The following CYFIP1 variants were observed in gnomAD, a reference collection of about 807,000 sequenced individuals.
CYFIP1 encodes the protein cytoplasmic FMR1 interacting protein 1.
CYFIP1 carries 58 observed loss-of-function variants against 163.5 expected under a neutral mutation model. The ratio of observed to expected loss-of-function variants is 0.35; its 90% CI spans 0.29 to 0.44. The LOEUF is 0.44. Ranked by LOEUF, CYFIP1 falls within the 20% of genes least tolerant of loss-of-function variation. CYFIP1 has a pLI of 1.00. For synonymous variants in CYFIP1, 663 were observed against 660.7 expected, an observed-to-expected ratio of 1.00 and a Z score of -0.05; for missense variants, 1,338 against 1,653.8, an observed-to-expected ratio of 0.81 and a Z score of 3.31.
In CYFIP1 at chr15:22,917,848, G is replaced by T; in HGVS notation, c.1614C>A (p.Asp538Glu). 1 of 1,613,910 alleles carries T rather than the reference G, an allele frequency of 6.2e-7. No homozygotes were observed. Among genetic ancestry groups the T allele is most frequent in the Non-Finnish European group, 8.5e-7 (1 of 1,179,950 alleles). Residue 538 changes from aspartate to glutamate, a missense_variant, in exon 15 of 31, where the codon GAC becomes GAA. Physicochemically the swap from Asp to Glu is conservative, Grantham distance 45. Coordinates refer to ENST00000617928, the MANE Select transcript of CYFIP1 (RefSeq NM_014608.6). The surrounding 1 kb of genome is among the most constrained non-coding windows in gnomAD (Gnocchi z 4.2). ...FNDPALRGEK[D>E]PKSGFDIKVP... ...CTTTTATGTCGAAGCCGCTCTTGGG[G>T]TCCTTCTCGCCCCGCAAGGCTGGGT...
At chr15:22,934,474 C>T (rs1423715854) in intron 9 of CYFIP1, among the ~76,000 whole-genome samples, 9 of 140,776 alleles carry the variant, frequency 6.4e-5, no homozygotes, top group Non-Finnish European at 1.2e-4. Flanking sequence ...CGTGAACCAC[C>T]GCACCCAGCC....
chr15:22,892,133 G>C (rs559661372), intron 23 of CYFIP1, among the ~76,000 whole-genome samples: 1 of 152,366 alleles, frequency 6.6e-6, no homozygotes, highest in Admixed American at 6.5e-5. Context: ...GGGCCTGCTG[G>C]CTCTTGCCGC....
At chr15:22,915,807 T>C (rs965406768) in intron 16 of CYFIP1, among the ~76,000 whole-genome samples, 18 of 151,984 alleles carry the variant, frequency 1.2e-4, no homozygotes, top group Admixed American at 9.8e-4. Context: ...TAAAAACCAA[T>C]GTCCAGGCTG....
chr15:22,915,543 G>A (rs1018764825), intron 16 of CYFIP1, among the ~76,000 whole-genome samples: 5 of 151,902 alleles, frequency 3.3e-5, no homozygotes, highest in South Asian at 2.1e-4. Context: ...AAGGTCAGGA[G>A]TTTGAGACCA....
At chr15:22,944,683 A>G (rs201081497) in intron 4 of CYFIP1, 24 bp from the exon 5 acceptor site, 21 of 1,599,526 alleles carry the variant, frequency 1.3e-5, no homozygotes, top group Non-Finnish European at 1.8e-5. Context: ...AACAAGGATG[A>G]CATAAGAGGC....
chr15:22,933,763 G>T, intron 10 of CYFIP1, 39 bp downstream of exon 10: 1 of 1,487,310 alleles, frequency 6.7e-7, no homozygotes, highest in Non-Finnish European at 9.3e-7. Context: ...TGAGGACACT[G>T]CCGAAAGCTC....
intron 30 of CYFIP1, among the ~76,000 whole-genome samples, chr15:22,871,618 C>A (rs943581575): frequency 2.0e-5 from 3 of 152,120 alleles, no homozygotes; most frequent in African/African-American, 7.2e-5. Context: ...GACTGTAGAA[C>A]AGGGAGAGTA....
At chr15:22,881,707 T>G in intron 25 of CYFIP1, 139 bp downstream of exon 25, 1 of 774,248 alleles carries the variant, frequency 1.3e-6, no homozygotes, top group South Asian at 1.7e-5. Flanking sequence ...AACACACCTC[T>G]TCCTGGTTGT....
chr15:22,980,433 T>TTCCTCCCGGCGC (rs1010181728), upstream of CYFIP1: 1 of 151,886 alleles, frequency 6.6e-6, no homozygotes, highest in East Asian at 2.0e-4. Flanking sequence ...GCTCGGCCTC[T>TTCCTCCCGGCGC]TCCTCCCGGC....
intron 3 of CYFIP1, among the ~76,000 whole-genome samples, chr15:22,945,851 G>A (rs1283145569): frequency 2.0e-5 from 3 of 151,950 alleles, no homozygotes; most frequent in Non-Finnish European, 4.4e-5. Context: ...CCAAAATGCT[G>A]GGATTACAGG....
chr15:22,896,718 C>T (rs1409205255), intron 22 of CYFIP1, among the ~76,000 whole-genome samples: 1 of 152,176 alleles, frequency 6.6e-6, no homozygotes, highest in African/African-American at 2.4e-5. Flanking sequence ...TCCTTGAGCA[C>T]ATGCATAGTC....
chr15:22,887,525 G>A lies in CYFIP1; in HGVS notation c.2677-4514C>T, dbSNP rs201799983. 2.0e-5 allele frequency among the ~76,000 whole-genome samples: 3 copies of A among 152,186 alleles called. No individual in the cohort carries two copies. In the East Asian group the frequency reaches 5.8e-4, roughly 29 times the overall value. ...GAAATCTAATGACCTCATGTTACAAGTGAGAGAATTCATTCTCAGACCCGC... is the reference window on the plus strand; with the variant it reads ...GAAATCTAATGACCTCATGTTACAAATGAGAGAATTCATTCTCAGACCCGC... On this transcript the variant is annotated intron_variant, in intron 23 of 30. Coordinates refer to ENST00000617928, the MANE Select transcript of CYFIP1 (RefSeq NM_014608.6).
Position 22,917,266 on chromosome 15 carries a change from G to A in CYFIP1, c.1674+522C>T. Reference sequence around the variant, plus strand: ...AGCCTCCGGCAGAGATGAGGGAGAAGACCAGCCCCAGGACGGAGGACAGAC... The same window carrying A: ...AGCCTCCGGCAGAGATGAGGGAGAAAACCAGCCCCAGGACGGAGGACAGAC... On this transcript the variant is annotated intron_variant, in intron 15 of 30. Coordinates refer to ENST00000617928, the MANE Select transcript of CYFIP1 (RefSeq NM_014608.6). This position sits in a 1 kb window ranked among gnomAD's most constrained non-coding sequence, Gnocchi z 4.2. 1 of 1,388,500 alleles carries A rather than the reference G, an allele frequency of 7.2e-7. No homozygotes were observed. Among genetic ancestry groups the A allele is most frequent in the South Asian group, 1.8e-5 (1 of 55,532 alleles). The allele number at this position is 1,388,500 out of a possible 1,614,324, so 86.0% of individuals were successfully genotyped here.
At chr15:22,939,606 C>T in intron 6 of CYFIP1, 99 bp from the exon 7 acceptor site, 1 of 914,154 alleles carries the variant, frequency 1.1e-6, no homozygotes, top group Admixed American at 3.1e-5. Flanking sequence ...GGATCCCTTT[C>T]CCCTACAGTC....
rs747863901 is a variant in CYFIP1 at position 22,870,135 on chromosome 15, T to C, written c.3655A>G (p.Ile1219Val). Residue 1219 changes from isoleucine (I) to valine (V), a missense_variant, in exon 31 of 31, where the codon ATC becomes GTC. Coordinates refer to ENST00000617928, the MANE Select transcript of CYFIP1 (RefSeq NM_014608.6). ...TTCAGGTACTTATCCAGGATGGTGA[T>C]GATCTCATCATTGAGAATCTGGAAC... ...RKFQILNDEI[I>V]TILDKYLKSG... The C allele has an allele frequency of 5.0e-6, 8 of 1,612,860 alleles. No individual in the cohort carries two copies. Among genetic ancestry groups the C allele is most frequent in the African/African-American group, 2.7e-5 (2 of 74,832 alleles).
At position 22,912,181 on chromosome 15, in the gene CYFIP1, C is replaced by T. The variant is rs2060808118; in HGVS notation, c.2080G>A (p.Glu694Lys). The change falls in exon 18 of 31, where the codon GAG (glutamate) becomes AAG (lysine). Residue 694 changes from glutamate to lysine, a missense_variant and splice_region_variant. By Grantham distance (56) the Glu-to-Lys change is moderately conservative (BLOSUM62 1). Coordinates refer to ENST00000617928, the MANE Select transcript of CYFIP1 (RefSeq NM_014608.6). ...KQFLYDEIEA[E>K]VNLCFDQFVY... ...AAATGGAGCTGCAGGGGCCTCACCT[C>T]GGCCTCAATTTCGTCGTACAGGAAC... The T allele has an allele frequency of 1.2e-6, 2 of 1,612,984 alleles. No individual in the cohort carries two copies. Among genetic ancestry groups the T allele is most frequent in the Non-Finnish European group, 1.7e-6 (2 of 1,179,328 alleles).
intron 21 of CYFIP1, among the ~76,000 whole-genome samples, chr15:22,905,650 G>T: frequency 6.6e-6 from 1 of 151,950 alleles, no homozygotes; most frequent in South Asian, 2.1e-4. Context: ...ATGGTGGCCA[G>T]GATGGTCTCG....
intron 26 of CYFIP1, 55 bp from the exon 27 acceptor site, chr15:22,875,326 T>C (rs56391563): frequency 2.7e-6 from 4 of 1,505,450 alleles, no homozygotes; most frequent in South Asian, 1.1e-5. Flanking sequence ...CAGAGAGCAA[T>C]CTGGTGCTGA....
chr15:22,926,763 A>G (rs2061369206), intron 12 of CYFIP1, among the ~76,000 whole-genome samples: 1 of 152,222 alleles, frequency 6.6e-6, no homozygotes, highest in South Asian at 2.1e-4. Context: ...AATGGGTACA[A>G]ATGTACAGTC....
Sources: gnomAD v4.1 joint callset for allele counts (sites outside exome capture counted in the v4.1 genomes callset) on GRCh38, gnomAD v4.1.1 for gene constraint, Gnocchi (gnomAD v3.1) non-coding constraint, MANE v1.5 for transcripts, NCBI Gene and HGNC (gene_info 2026-07-23, HGNC 2026-07-21) for gene names.